The following IMMP2L variants were observed in gnomAD, a reference collection of about 807,000 sequenced individuals.
The protein encoded by IMMP2L is inner mitochondrial membrane peptidase subunit 2, also known as mitochondrial inner membrane protease subunit 2.
A neutral mutation model predicts 19.3 loss-of-function variants in IMMP2L; 18 were observed. The ratio of observed to expected loss-of-function variants is 0.93; its 90% CI spans 0.64 to 1.38. The LOEUF is 1.38. Among genes scored for constraint, IMMP2L ranks in the 40% most tolerant of loss-of-function variants. IMMP2L has a pLI of 0.00. For synonymous variants in IMMP2L, 76 were observed against 73.0 expected (o/e 1.04, Z -0.21); for missense variants, 233 against 218.2 (o/e 1.07, Z -0.43).
At chr7:111,395,392 C>T (rs752702450) in intron 3 of IMMP2L, among the ~76,000 whole-genome samples, 11 of 152,096 alleles carry the variant, frequency 7.2e-5, no homozygotes, top group Non-Finnish European at 1.3e-4. Context: ...CAATTTTGTT[C>T]GTGTCTCCAC....
At chr7:110,759,303 C>T (rs1798214741) in intron 5 of IMMP2L, among the ~76,000 whole-genome samples, 2 of 152,108 alleles carry the variant, frequency 1.3e-5, no homozygotes. Context: ...TCTATCTCTT[C>T]CAGACCATGA....
rs572356313 is a variant in IMMP2L at position 110,797,040 on chromosome 7, T to G, written c.408+89553A>C. On this transcript the variant is annotated intron_variant, in intron 5 of 5. Transcript: ENST00000405709. The stretch of plus-strand genomic sequence containing the variant: ...AAGAAGAGTGCCAGTTTCATTTTCC[T>G]GACTACCTATGAGTAAACAACTCCT... Among the ~76,000 whole-genome samples, 8 of 152,146 alleles carry G rather than the reference T, an allele frequency of 5.3e-5. No homozygotes were observed. In the East Asian group the frequency reaches 1.4e-3, roughly 26 times the overall value.
chr7:111,084,730 T>G (rs1264842339), intron 3 of IMMP2L, among the ~76,000 whole-genome samples: 1 of 152,188 alleles, frequency 6.6e-6, no homozygotes, highest in East Asian at 1.9e-4. Flanking sequence ...GGGAGGGCAC[T>G]GGTTGAGATT....
At chr7:110,722,399 G>A (rs1415174927) in intron 5 of IMMP2L, among the ~76,000 whole-genome samples, 1 of 151,820 alleles carries the variant, frequency 6.6e-6, no homozygotes, top group African/African-American at 2.4e-5. Flanking sequence ...AGAGGCACAG[G>A]GAAGTTAAAA....
At chr7:110,817,853 G>T (rs1281608890) in intron 5 of IMMP2L, among the ~76,000 whole-genome samples, 3 of 152,116 alleles carry the variant, frequency 2.0e-5, no homozygotes, top group Non-Finnish European at 4.4e-5. Context: ...ACAAAAATAA[G>T]CAATGGGGAA....
chr7:111,141,328 C>A (rs1802864013), intron 3 of IMMP2L, among the ~76,000 whole-genome samples: 1 of 152,068 alleles, frequency 6.6e-6, no homozygotes, highest in Non-Finnish European at 1.5e-5. Flanking sequence ...CCCTCCCAAT[C>A]TTTCCTCAAA....
intron 2 of IMMP2L, among the ~76,000 whole-genome samples, chr7:111,511,697 A>C (rs1845463132): frequency 6.6e-6 from 1 of 152,012 alleles, no homozygotes; most frequent in Non-Finnish European, 1.5e-5. Flanking sequence ...TCTCTAGCCA[A>C]AGGACCAGGA....
At chr7:110,987,982 A>C (rs188456413) in intron 3 of IMMP2L, among the ~76,000 whole-genome samples, 1 of 152,298 alleles carries the variant, frequency 6.6e-6, no homozygotes, top group Non-Finnish European at 1.5e-5. Flanking sequence ...TGAAAGAGAG[A>C]ATGTTAGAAA....
At chr7:111,125,986 C>T (rs1801268599) in intron 3 of IMMP2L, among the ~76,000 whole-genome samples, 1 of 151,834 alleles carries the variant, frequency 6.6e-6, no homozygotes, top group African/African-American at 2.4e-5. Flanking sequence ...ACATCTCCGG[C>T]TAATTTTTGT....
At chr7:111,088,490 A>G (rs1586181506) in intron 3 of IMMP2L, among the ~76,000 whole-genome samples, 1 of 152,096 alleles carries the variant, frequency 6.6e-6, no homozygotes, top group Non-Finnish European at 1.5e-5. Flanking sequence ...GAGTAAGAAG[A>G]AGGAAGAAAA....
intron 5 of IMMP2L, among the ~76,000 whole-genome samples, chr7:110,701,922 G>A (rs577644156): frequency 6.6e-6 from 1 of 151,826 alleles, no homozygotes; most frequent in Non-Finnish European, 1.5e-5. Flanking sequence ...GTTGCTGAAT[G>A]GTTTCCTTTT....
chr7:110,720,965 T>C (rs190969660), intron 5 of IMMP2L, among the ~76,000 whole-genome samples: 7 of 152,188 alleles, frequency 4.6e-5, no homozygotes, highest in African/African-American at 1.4e-4. Flanking sequence ...TAACCTTCCA[T>C]CTTTCTTTCA....
In IMMP2L at chr7:111,505,137, A is replaced by G. The variant is rs1739016781; in HGVS notation, c.135+16176T>C. On this transcript the variant is annotated intron_variant, in intron 2 of 5. Transcript: ENST00000405709. Reference sequence around the variant, plus strand: ...AAACAAATTTACAAGAAAAAAAACAAACAACCCCATCAAAAAGTGGGCAAA... The same window carrying G: ...AAACAAATTTACAAGAAAAAAAACAGACAACCCCATCAAAAAGTGGGCAAA... Among the ~76,000 whole-genome samples, 4 of 152,088 alleles carry G rather than the reference A, an allele frequency of 2.6e-5. No individual in the cohort carries two copies. The South Asian group carries it at 8.3e-4, about 32-fold the overall frequency.
intron 5 of IMMP2L, among the ~76,000 whole-genome samples, chr7:110,836,763 G>C (rs181970711): frequency 6.6e-6 from 1 of 152,092 alleles, no homozygotes; most frequent in African/African-American, 2.4e-5. Context: ...TTGTGCTTTA[G>C]GTGGCTGATG....
intron 2 of IMMP2L, among the ~76,000 whole-genome samples, chr7:111,506,308 C>A (rs1486385452): frequency 6.6e-6 from 1 of 152,024 alleles, no homozygotes; most frequent in Non-Finnish European, 1.5e-5. Context: ...AAATTGACCC[C>A]ATTTTAGTAC....
At chr7:110,671,011 A>G (rs1458757978) in intron 5 of IMMP2L, among the ~76,000 whole-genome samples, 4 of 152,238 alleles carry the variant, frequency 2.6e-5, no homozygotes, top group Non-Finnish European at 5.9e-5. Flanking sequence ...TAAGAAAGTT[A>G]CTTTTACAGT....
intron 3 of IMMP2L, among the ~76,000 whole-genome samples, chr7:111,031,027 G>A (rs894767522): frequency 8.6e-5 from 13 of 151,142 alleles, no homozygotes; most frequent in African/African-American, 2.9e-4. Flanking sequence ...GCAAGGGAGA[G>A]TGATTAGAAT....
chr7:111,130,564 C>T (rs898557081), intron 3 of IMMP2L, among the ~76,000 whole-genome samples: 2 of 152,006 alleles, frequency 1.3e-5, no homozygotes, highest in Admixed American at 1.3e-4. Context: ...GTAATGTTTA[C>T]CAGACTCTGG....
At chr7:111,534,801 G>A (rs1025855765) in intron 1 of IMMP2L, among the ~76,000 whole-genome samples, 4 of 152,112 alleles carry the variant, frequency 2.6e-5, no homozygotes, top group Non-Finnish European at 5.9e-5. Flanking sequence ...TCATTTGGTG[G>A]CTTCAAGACT....
Sources: gnomAD v4.1 joint callset for allele counts (sites outside exome capture counted in the v4.1 genomes callset) on GRCh38, gnomAD v4.1.1 for gene constraint, MANE v1.5 for transcripts, NCBI Gene and HGNC (gene_info 2026-07-23, HGNC 2026-07-21) for gene names.